ODAD2: variants seen among roughly 807,000 people sequenced by gnomAD.
ODAD2 encodes the protein outer dynein arm docking complex subunit 2.
Under a neutral mutation model 106.8 loss-of-function variants are expected in ODAD2, and 89 were observed. The observed-to-expected ratio is 0.83, with a 90% CI of 0.70 to 0.99. ODAD2 has a LOEUF of 0.99. ODAD2 is among the 50% of genes least tolerant of loss of function. The pLI is 0.00. For missense variants in ODAD2, 1,168 were observed against 1,238.5 expected (o/e 0.94, Z 0.85); for synonymous variants, 404 against 436.2 (o/e 0.93, Z 0.92).
chr10:27,907,335 G>A (rs1355449156), intron 17 of ODAD2, among the ~76,000 whole-genome samples: 1 of 152,108 alleles, frequency 6.6e-6, no homozygotes, highest in Non-Finnish European at 1.5e-5. Context: ...CTGGATAGCA[G>A]GTAAATGCAG....
intron 17 of ODAD2, among the ~76,000 whole-genome samples, chr10:27,897,737 G>C (rs949972484): frequency 6.6e-6 from 1 of 152,164 alleles, no homozygotes; most frequent in Non-Finnish European, 1.5e-5. Context: ...TGAGAGATGT[G>C]ATCAAGCAGA....
chr10:27,933,133 C>G (rs375602405), intron 16 of ODAD2, among the ~76,000 whole-genome samples: 1 of 152,006 alleles, frequency 6.6e-6, no homozygotes, highest in Non-Finnish European at 1.5e-5. Context: ...TGATATAGTC[C>G]CAGCTACTAA....
chr10:27,903,416 T>G (rs976597517), intron 17 of ODAD2, among the ~76,000 whole-genome samples: 1 of 152,168 alleles, frequency 6.6e-6, no homozygotes, highest in African/African-American at 2.4e-5. Flanking sequence ...CTCTCACCAC[T>G]GCTATTCAAT....
intron 17 of ODAD2, among the ~76,000 whole-genome samples, chr10:27,885,553 T>A (rs1303556649): frequency 3.0e-4 from 4 of 13,196 alleles, no homozygotes; most frequent in Non-Finnish European, 4.2e-4. Flanking sequence ...TATATAAATA[T>A]ATAAATATAA....
At chr10:27,847,091 G>C (rs1167829594) in intron 19 of ODAD2, among the ~76,000 whole-genome samples, 1 of 152,112 alleles carries the variant, frequency 6.6e-6, no homozygotes, top group Non-Finnish European at 1.5e-5. Flanking sequence ...GCATCATCCT[G>C]ATACCAAAGC....
chr10:27,917,288 A>C (rs1458281601), intron 16 of ODAD2, among the ~76,000 whole-genome samples: 1 of 152,188 alleles, frequency 6.6e-6, no homozygotes, highest in Non-Finnish European at 1.5e-5. Flanking sequence ...CCTGGGTCCA[A>C]GGTAAATCAC....
At chr10:27,895,548 C>T (rs1448566731) in intron 17 of ODAD2, among the ~76,000 whole-genome samples, 2 of 152,188 alleles carry the variant, frequency 1.3e-5, no homozygotes, top group African/African-American at 4.8e-5. Context: ...CTCGGCCTCC[C>T]AAAGTGCTGG....
chr10:27,985,286 T>G, intron 3 of ODAD2, 75 bp from the exon 4 acceptor site: 1 of 1,199,280 alleles, frequency 8.3e-7, no homozygotes, highest in Non-Finnish European at 1.1e-6. Flanking sequence ...TTAAGACTAA[T>G]AAATCCTTCA....
chr10:27,998,542 G>A (rs1376299360), intron 1 of ODAD2, among the ~76,000 whole-genome samples: 2 of 151,964 alleles, frequency 1.3e-5, no homozygotes, highest in Non-Finnish European at 2.9e-5. Flanking sequence ...TGATGGGGCC[G>A]AGGTAGTGCA....
At chr10:27,931,172 T>G (rs1845593281) in intron 16 of ODAD2, among the ~76,000 whole-genome samples, 1 of 152,160 alleles carries the variant, frequency 6.6e-6, no homozygotes, top group Non-Finnish European at 1.5e-5. Context: ...CGAATGACCA[T>G]GACACTTATT....
At chr10:27,936,107 G>A (rs139417963) in intron 15 of ODAD2, among the ~76,000 whole-genome samples, 172 of 152,198 alleles carry the variant, frequency 1.1e-3, no homozygotes, top group African/African-American at 3.1e-3. Context: ...TGGTCGGGAC[G>A]TGAATCTCTT....
chr10:27,947,713 T>C (rs1026408771), intron 10 of ODAD2, among the ~76,000 whole-genome samples: 2 of 152,136 alleles, frequency 1.3e-5, no homozygotes, highest in Non-Finnish European at 2.9e-5. Flanking sequence ...GAGAGAGTTA[T>C]TTAGGCGGAG....
At chr10:27,940,843 T>C in intron 12 of ODAD2, 38 bp from the exon 13 acceptor site, 2 of 1,592,176 alleles carry the variant, frequency 1.3e-6, no homozygotes, top group South Asian at 1.1e-5. Flanking sequence ...ATGGAAATCT[T>C]AAAAAGAACA....
chr10:27,878,235 A>G (rs566643033), intron 17 of ODAD2, among the ~76,000 whole-genome samples: 4 of 152,228 alleles, frequency 2.6e-5, no homozygotes, highest in Non-Finnish European at 5.9e-5. Flanking sequence ...AATAAGTAGG[A>G]AAAGGTATGA....
At chr10:27,878,301 C>T (rs1841480250) in intron 17 of ODAD2, among the ~76,000 whole-genome samples, 1 of 152,048 alleles carries the variant, frequency 6.6e-6, no homozygotes, top group African/African-American at 2.4e-5. Context: ...AAATATAAAA[C>T]AGCAAATACA....
chr10:27,960,496 G>C (rs1439099246), intron 10 of ODAD2, among the ~76,000 whole-genome samples: 1 of 151,544 alleles, frequency 6.6e-6, no homozygotes, highest in Non-Finnish European at 1.5e-5. Context: ...ACAGGCGTGT[G>C]CCACCACGCC....
chr10:27,815,147 T>A (rs1194231824), intron 19 of ODAD2, among the ~76,000 whole-genome samples: 1 of 152,216 alleles, frequency 6.6e-6, no homozygotes, highest in Non-Finnish European at 1.5e-5. Flanking sequence ...CTTTTTATCC[T>A]ACCTTCCAGT....
At chr10:27,981,666 C>A in intron 6 of ODAD2, 84 bp from the exon 7 acceptor site, 2 of 982,558 alleles carry the variant, frequency 2.0e-6, no homozygotes, top group South Asian at 1.7e-5. Context: ...GCTAGCCACA[C>A]GTATTATTTT....
chr10:27,958,883 T>C (rs1308476594), intron 10 of ODAD2: 2 of 1,303,988 alleles, frequency 1.5e-6, no homozygotes, highest in Admixed American at 2.3e-5. Flanking sequence ...AACTGGTCTT[T>C]CCAACGTCAA....
Sources: gnomAD v4.1 joint callset for allele counts (sites outside exome capture counted in the v4.1 genomes callset) on GRCh38, gnomAD v4.1.1 for gene constraint, MANE v1.5 for transcripts, NCBI Gene and HGNC (gene_info 2026-07-23, HGNC 2026-07-21) for gene names.